Variants in PAQR8 observed in about 807,000 individuals in gnomAD.
The protein encoded by PAQR8 is membrane progestin receptor beta.
A neutral mutation model predicts 25.2 loss-of-function variants in PAQR8; 17 were observed. The observed-to-expected ratio is 0.67, with a 90% CI of 0.46 to 1.01. The LOEUF (loss-of-function observed/expected upper bound fraction) is 1.01. Among genes scored for constraint, PAQR8 ranks in the 50% least tolerant of loss-of-function variants. The probability of loss-of-function intolerance (pLI) is 0.00; values close to 1 mark genes in which losing one functional copy is unlikely to be tolerated. For missense variants in PAQR8, 392 were observed against 448.4 expected (o/e 0.87, Z 1.14); for synonymous variants, 204 against 190.6 (o/e 1.07, Z -0.58).
intron 1 of PAQR8, among the ~76,000 whole-genome samples, chr6:52,399,340 T>C (rs1163868805): frequency 6.6e-6 from 1 of 152,186 alleles, no homozygotes; most frequent in African/African-American, 2.4e-5. Context: ...GGCAGTATCA[T>C]GTTCCGTCCT....
chr6:52,376,752 C>T (rs1763489515), intron 1 of PAQR8, among the ~76,000 whole-genome samples: 1 of 152,168 alleles, frequency 6.6e-6, no homozygotes, highest in South Asian at 2.1e-4. Context: ...TTATTTTCTG[C>T]ATCTTTTTGG....
At position 52,399,755 on chromosome 6, in the gene PAQR8, A is replaced by T. The variant is rs532259048; in HGVS notation, c.-52-3407A>T. ...GGTAATTTCATCTGGTTTGCTCTCT[A>T]CTTCACAAGAGGTAGTAGAAGACTA... On this transcript the variant is annotated intron_variant, in intron 1 of 1. Coordinates refer to ENST00000442253, the MANE Select transcript of PAQR8 (RefSeq NM_133367.5). Among the ~76,000 whole-genome samples the T allele has an allele frequency of 2.0e-5, 3 of 152,206 alleles. No individual in the cohort carries two copies. In the South Asian group the frequency reaches 6.2e-4, roughly 32 times the overall value.
chr6:52,400,944 C>T (rs1477220518), intron 1 of PAQR8, among the ~76,000 whole-genome samples: 3 of 152,212 alleles, frequency 2.0e-5, no homozygotes, highest in Non-Finnish European at 4.4e-5. Flanking sequence ...ACATTTACTA[C>T]GCACTTACCT....
Position 52,362,160 on chromosome 6 carries a change from C to T in PAQR8, c.-142C>T, listed in dbSNP as rs1309174053. On this transcript the variant is annotated 5_prime_UTR_variant, in exon 1 of 2. Coordinates refer to ENST00000442253, the MANE Select transcript of PAQR8 (RefSeq NM_133367.5). This position sits in a 1 kb window ranked among gnomAD's most constrained non-coding sequence, Gnocchi z 4.1. ...CGAGCCCGCCGCGGTCACAGCCACC[C>T]GCGGGAAGCTCGTGGCCGGGACCCC... The T allele has an allele frequency of 2.6e-5, 4 of 151,936 alleles. No homozygotes were observed. The highest frequency in any genetic ancestry group is 2.1e-4 in the South Asian group (1 of 4,838). 9.4% of individuals were successfully genotyped at this position (151,936 alleles called of 1,614,324 possible).
chr6:52,403,406 T>TA lies in PAQR8; in HGVS notation c.194dup (p.Tyr65Ter). 6.2e-7 allele frequency: 1 copy of TA among 1,614,260 alleles called. No homozygotes were observed. The highest frequency in any genetic ancestry group is 8.5e-7 in the Non-Finnish European group (1 of 1,180,044). ...CCCCACGGGGCACGAGTGGCGCTAC[T>TA]ACTTCTTCAGCCTCTTTCAGAAACA... ...YRPTGHEWRY[Y>*]FFSLFQKHNE... Residue 65 changes from tyrosine (Y) to a stop codon, truncating the protein, a stop_gained and frameshift_variant, in exon 2 of 2, where the codon TAC becomes TAAC. Transcript: ENST00000442253. LOFTEE classifies it high-confidence loss of function.
chr6:52,391,450 T>C (rs1006366968), intron 1 of PAQR8, among the ~76,000 whole-genome samples: 3 of 152,244 alleles, frequency 2.0e-5, no homozygotes, highest in African/African-American at 7.2e-5. Flanking sequence ...GGAGGAAATA[T>C]GCACTGACCA....
At chr6:52,363,453 C>A (rs1034986237) in intron 1 of PAQR8, among the ~76,000 whole-genome samples, 1 of 152,120 alleles carries the variant, frequency 6.6e-6, no homozygotes, top group Non-Finnish European at 1.5e-5. Context: ...CGTGTGTGTG[C>A]GCGCCTTAGG....
At chr6:52,400,922 C>T (rs549534809) in intron 1 of PAQR8, among the ~76,000 whole-genome samples, 3 of 152,348 alleles carry the variant, frequency 2.0e-5, no homozygotes, top group East Asian at 3.9e-4. Context: ...ATAAAAATGA[C>T]AGCAATATTT....
intron 1 of PAQR8, among the ~76,000 whole-genome samples, chr6:52,374,376 TTCC>T (rs563303427): frequency 7.8e-4 from 119 of 152,338 alleles, no homozygotes; most frequent in Non-Finnish European, 1.4e-3. Context: ...ACTCGCTTCT[TTCC>T]TCCTCCTCCC....
At chr6:52,368,965 C>T (rs953835078) in intron 1 of PAQR8, among the ~76,000 whole-genome samples, 1 of 151,966 alleles carries the variant, frequency 6.6e-6, no homozygotes, top group Non-Finnish European at 1.5e-5. Flanking sequence ...GGGGCTTCTC[C>T]CATTGCTTGG....
At chr6:52,382,141 C>G (rs1483785946) in intron 1 of PAQR8, among the ~76,000 whole-genome samples, 2 of 152,096 alleles carry the variant, frequency 1.3e-5, no homozygotes, top group African/African-American at 2.4e-5. Flanking sequence ...CAGGTAACTA[C>G]AGAACAAGGT....
At chr6:52,397,496 CTGG>C (rs1427683243) in intron 1 of PAQR8, among the ~76,000 whole-genome samples, 1 of 152,184 alleles carries the variant, frequency 6.6e-6, no homozygotes, top group East Asian at 1.9e-4. Context: ...TGTGTGTCAT[CTGG>C]TGTTGTTGGC....
intron 1 of PAQR8, among the ~76,000 whole-genome samples, chr6:52,363,196 C>T (rs773012986): frequency 1.5e-4 from 23 of 152,092 alleles, no homozygotes; most frequent in Non-Finnish European, 3.1e-4. Context: ...CTGCACCTTG[C>T]CGACCCGGTG....
chr6:52,398,213 T>C (rs1203935873), intron 1 of PAQR8, among the ~76,000 whole-genome samples: 3 of 149,742 alleles, frequency 2.0e-5, no homozygotes, highest in Non-Finnish European at 4.5e-5. Flanking sequence ...TCTTTTTTTT[T>C]TTTTTTTTTT....
intron 1 of PAQR8, among the ~76,000 whole-genome samples, chr6:52,364,616 C>T (rs903821508): frequency 1.3e-5 from 2 of 152,208 alleles, no homozygotes; most frequent in African/African-American, 4.8e-5. Context: ...GAGTTTGCAA[C>T]ACATTTCCTG....
chr6:52,364,169 G>T (rs1017893050), intron 1 of PAQR8, among the ~76,000 whole-genome samples: 10 of 138,162 alleles, frequency 7.2e-5, no homozygotes, highest in African/African-American at 2.4e-4. Flanking sequence ...CACACACTGA[G>T]ATTTGAGCTT....
intron 1 of PAQR8, among the ~76,000 whole-genome samples, chr6:52,391,250 G>A (rs1274941934): frequency 6.6e-6 from 1 of 152,206 alleles, no homozygotes; most frequent in Non-Finnish European, 1.5e-5. Context: ...TCTAAGTGCA[G>A]TGGAGACTAC....
At chr6:52,370,750 G>T (rs952505929) in intron 1 of PAQR8, among the ~76,000 whole-genome samples, 1 of 152,164 alleles carries the variant, frequency 6.6e-6, no homozygotes, top group Non-Finnish European at 1.5e-5. Flanking sequence ...GGTATGTAAG[G>T]CCCTGAGGAA....
intron 1 of PAQR8, among the ~76,000 whole-genome samples, chr6:52,390,615 G>T (rs1276123604): frequency 6.6e-6 from 1 of 152,184 alleles, no homozygotes; most frequent in African/African-American, 2.4e-5. Flanking sequence ...GTTTGAGTTT[G>T]TGTGCTGTGG....
Sources: gnomAD v4.1 joint callset for allele counts (sites outside exome capture counted in the v4.1 genomes callset) on GRCh38, gnomAD v4.1.1 for gene constraint, Gnocchi (gnomAD v3.1) non-coding constraint, MANE v1.5 for transcripts, NCBI Gene and HGNC (gene_info 2026-07-23, HGNC 2026-07-21) for gene names.